Variants in KIAA1217 observed in about 807,000 individuals in gnomAD.
KIAA1217 encodes the protein KIAA1217.
In KIAA1217, 88 loss-of-function variants were observed where a neutral mutation model predicts 163.9. The ratio of observed to expected loss-of-function variants is 0.54; its 90% CI spans 0.45 to 0.64. The LOEUF (loss-of-function observed/expected upper bound fraction) is 0.64, where lower values mean the gene tolerates loss of function less well. KIAA1217 is among the 30% of genes least tolerant of loss of function. The pLI is 0.00. For missense variants in KIAA1217, 2,372 were observed against 2,475.0 expected (o/e 0.96, Z 0.88); for synonymous variants, 903 against 923.1 (o/e 0.98, Z 0.39).
At chr10:24,519,851 T>C (rs950986466) in intron 10 of KIAA1217, among the ~76,000 whole-genome samples, 2 of 152,098 alleles carry the variant, frequency 1.3e-5, no homozygotes, top group East Asian at 3.9e-4. Flanking sequence ...ATAAAAAGAC[T>C]CGGTCCTCTG....
chr10:23,860,866 C>G (rs987893715), intron 1 of KIAA1217, among the ~76,000 whole-genome samples: 3 of 150,846 alleles, frequency 2.0e-5, no homozygotes, highest in African/African-American at 7.3e-5. Flanking sequence ...GTTTTCTCAT[C>G]TTTTCTCCTC....
intron 1 of KIAA1217, among the ~76,000 whole-genome samples, chr10:23,731,617 G>A (rs1838482838): frequency 6.6e-6 from 1 of 152,276 alleles, no homozygotes; most frequent in East Asian, 1.9e-4. Flanking sequence ...GTACAACCAG[G>A]TAGGTATGAA....
chr10:24,294,318 T>C (rs2079464309), intron 2 of KIAA1217, among the ~76,000 whole-genome samples: 1 of 152,128 alleles, frequency 6.6e-6, no homozygotes, highest in African/African-American at 2.4e-5. Flanking sequence ...TTCACTCTTT[T>C]CCCCTACTAG....
chr10:24,446,173 T>C (rs1564694434), intron 5 of KIAA1217, among the ~76,000 whole-genome samples: 1 of 152,218 alleles, frequency 6.6e-6, no homozygotes, highest in Non-Finnish European at 1.5e-5. Flanking sequence ...GCTGCATAAA[T>C]GTCTTCTTTT....
In KIAA1217 at chr10:23,918,087, A is replaced by G. The variant is rs545352377; in HGVS notation, c.-320-89138A>G. Among the ~76,000 whole-genome samples, 24 of 151,632 alleles carry G rather than the reference A, an allele frequency of 1.6e-4. No homozygotes were observed. The South Asian group carries it at 1.7e-3, about 11-fold the overall frequency. ...AAGTGCAGTGGTGTGATCATGGCTC[A>G]CTGCAACCTCAAAGTCCTGTGCTCA... is the stretch of plus-strand genomic sequence containing the variant. On this transcript the variant is annotated intron_variant, in intron 1 of 18. Transcript: ENST00000376462.
intron 6 of KIAA1217, among the ~76,000 whole-genome samples, chr10:24,475,335 G>C (rs113560163): frequency 0.015 from 2,229 of 152,258 alleles, 49 homozygotes; most frequent in African/African-American, 0.051. Context: ...CATGTAAAAA[G>C]AAGGCCAAAA....
rs75698652 is a variant in KIAA1217 at position 24,291,595 on chromosome 10, G to A, written c.354+71686G>A. Among the ~76,000 whole-genome samples, 144 of 152,274 alleles carry A rather than the reference G, an allele frequency of 9.5e-4. 4 individuals are homozygous for A. The East Asian group carries it at 0.027, about 29-fold the overall frequency. On this transcript the variant is annotated intron_variant, in intron 2 of 20. Coordinates refer to ENST00000376454, the MANE Select transcript of KIAA1217 (RefSeq NM_019590.5). ...CTCCCAGTCCTCTTTGGAGCGTGAG[G>A]ACACTTGTAAGGCAGTCTGTGGGGA...
intron 2 of KIAA1217, among the ~76,000 whole-genome samples, chr10:24,181,885 C>T (rs979860123): frequency 6.6e-6 from 1 of 152,080 alleles, no homozygotes; most frequent in Admixed American, 6.5e-5. Context: ...AGTTCAGTTC[C>T]GGGTACACAG....
intron 13 of KIAA1217, among the ~76,000 whole-genome samples, chr10:24,525,538 T>A (rs1193835744): frequency 6.6e-6 from 1 of 152,214 alleles, no homozygotes; most frequent in Non-Finnish European, 1.5e-5. Flanking sequence ...TGATTTTTTT[T>A]AAATGGCATC....
intron 2 of KIAA1217, among the ~76,000 whole-genome samples, chr10:24,116,297 T>C (rs2063050549): frequency 6.6e-6 from 1 of 152,042 alleles, no homozygotes; most frequent in Non-Finnish European, 1.5e-5. Flanking sequence ...GGCCAAAATA[T>C]TCAGGAGTTA....
chr10:24,165,858 A>C, intron 2 of KIAA1217, among the ~76,000 whole-genome samples: 1 of 152,318 alleles, frequency 6.6e-6, no homozygotes, highest in Non-Finnish European at 1.5e-5. Flanking sequence ...ACCTTTAGCA[A>C]GAGAGTTCTT....
chr10:24,427,984 A>T (rs1028396622), intron 3 of KIAA1217, among the ~76,000 whole-genome samples: 2 of 152,220 alleles, frequency 1.3e-5, no homozygotes, highest in Admixed American at 1.3e-4. Flanking sequence ...ACGTTCTGTG[A>T]CTGGACTCAT....
chr10:23,730,252 T>C (rs1838403372), intron 1 of KIAA1217, among the ~76,000 whole-genome samples: 1 of 152,232 alleles, frequency 6.6e-6, no homozygotes, highest in South Asian at 2.1e-4. Context: ...ATTCTTTTTT[T>C]TTCTTGCATG....
intron 1 of KIAA1217, among the ~76,000 whole-genome samples, chr10:23,789,114 T>G (rs564169503): frequency 1.3e-5 from 2 of 152,364 alleles, no homozygotes; most frequent in South Asian, 4.1e-4. Flanking sequence ...TTTCTCTGAT[T>G]GTGAAATAAA....
intron 2 of KIAA1217, among the ~76,000 whole-genome samples, chr10:24,092,413 C>T (rs1338901592): frequency 6.6e-6 from 1 of 151,526 alleles, no homozygotes; most frequent in African/African-American, 2.4e-5. Context: ...ATCCCACTCC[C>T]AACAAAAATA....
chr10:24,371,773 C>T (rs188423078), intron 2 of KIAA1217, among the ~76,000 whole-genome samples: 1 of 152,258 alleles, frequency 6.6e-6, no homozygotes, highest in Non-Finnish European at 1.5e-5. Context: ...TTCAGGTCAC[C>T]ATAGACAGGA....
intron 5 of KIAA1217, 115 bp downstream of exon 5, chr10:24,438,594 A>G: frequency 2.9e-6 from 2 of 689,034 alleles, no homozygotes. Flanking sequence ...GGTTCTCCGC[A>G]CTCATCTCAC....
intron 1 of KIAA1217, among the ~76,000 whole-genome samples, chr10:23,737,232 G>A (rs980838639): frequency 3.9e-5 from 6 of 151,984 alleles, no homozygotes; most frequent in East Asian, 1.9e-4. Flanking sequence ...ACGGAGTCTC[G>A]CTCTGTCATC....
chr10:24,022,194 C>T (rs1847762474), intron 2 of KIAA1217, among the ~76,000 whole-genome samples: 1 of 151,208 alleles, frequency 6.6e-6, no homozygotes, highest in South Asian at 2.1e-4. Context: ...ATTTGCAAAA[C>T]ACATATCTGA....
Sources: allele counts gnomAD v4.1 joint callset (sites outside exome capture counted in the v4.1 genomes callset), GRCh38; gene constraint gnomAD v4.1.1; transcripts MANE v1.5; gene names NCBI Gene and HGNC (gene_info 2026-07-23, HGNC 2026-07-21).